TENM3: variants seen among roughly 807,000 people sequenced by gnomAD.
TENM3 encodes the protein teneurin-3.
Under a neutral mutation model 255.1 loss-of-function variants are expected in TENM3, and 63 were observed. The ratio of observed to expected loss-of-function variants is 0.25; its 90% CI spans 0.20 to 0.30. The LOEUF is 0.30. TENM3 is among the 10% of genes least tolerant of loss of function. The pLI is 1.00. For missense variants in TENM3, 2,929 were observed against 3,461.1 expected (o/e 0.85, Z 3.86); for synonymous variants, 1,306 against 1,322.3 (o/e 0.99, Z 0.27).
the TENM3 span, among the ~76,000 whole-genome samples, chr4:181,588,268 C>T: frequency 6.6e-6 from 1 of 152,158 alleles, no homozygotes; most frequent in Non-Finnish European, 1.5e-5. Flanking sequence ...GTTCACATTC[C>T]CTAGGAAGGG....
At chr4:182,098,277 G>T in the TENM3 span, among the ~76,000 whole-genome samples, 1 of 152,118 alleles carries the variant, frequency 6.6e-6, no homozygotes, top group Non-Finnish European at 1.5e-5. Context: ...CAGGATGGAG[G>T]TTCCTCAAAA....
chr4:182,753,347 G>A, intron 20 of TENM3, 103 bp from the exon 21 acceptor site: 1 of 948,080 alleles, frequency 1.1e-6, no homozygotes, highest in Non-Finnish European at 1.6e-6. Context: ...TGTCACCCGT[G>A]TTGTCACTGG....
chr4:182,659,340 A>G (rs770134553), intron 6 of TENM3, among the ~76,000 whole-genome samples: 13 of 152,086 alleles, frequency 8.5e-5, no homozygotes, highest in African/African-American at 1.5e-4. Flanking sequence ...GAGACAGACC[A>G]CATTCACTTA....
chr4:181,992,663 A>G, the TENM3 span, among the ~76,000 whole-genome samples: 1 of 152,132 alleles, frequency 6.6e-6, no homozygotes, highest in Non-Finnish European at 1.5e-5. Context: ...ATTTTTTCTC[A>G]GGTATATTTT....
At chr4:181,654,939 A>T in the TENM3 span, among the ~76,000 whole-genome samples, 1 of 152,134 alleles carries the variant, frequency 6.6e-6, no homozygotes, top group Non-Finnish European at 1.5e-5. Context: ...AAAGAGGTGA[A>T]TGTAGAAACA....
At chr4:181,466,075 T>C in the TENM3 span, among the ~76,000 whole-genome samples, 2 of 152,028 alleles carry the variant, frequency 1.3e-5, no homozygotes, top group Admixed American at 1.3e-4. Context: ...CGTGGGTGGA[T>C]AATGCCTATG....
At chr4:182,389,553 ACTAT>A (rs1402994495) in intron 3 of TENM3, among the ~76,000 whole-genome samples, 2 of 152,226 alleles carry the variant, frequency 1.3e-5, no homozygotes, top group African/African-American at 4.8e-5. Context: ...CTGAAATTTA[ACTAT>A]CTAACAGGGA....
intron 1 of TENM3, among the ~76,000 whole-genome samples, chr4:182,152,269 A>G (rs1463036833): frequency 2.6e-5 from 4 of 151,976 alleles, no homozygotes; most frequent in Non-Finnish European, 5.9e-5. Flanking sequence ...TTTTCTATCT[A>G]TAATATGTTT....
chr4:181,507,651 T>G, the TENM3 span, among the ~76,000 whole-genome samples: 38 of 152,364 alleles, frequency 2.5e-4, no homozygotes, highest in Admixed American at 1.3e-3. Flanking sequence ...TCTCACATGT[T>G]GCTTAACAGC....
At chr4:182,179,634 A>G (rs1243298491) in intron 1 of TENM3, among the ~76,000 whole-genome samples, 1 of 152,206 alleles carries the variant, frequency 6.6e-6, no homozygotes, top group Non-Finnish European at 1.5e-5. Flanking sequence ...TGAAAACCTC[A>G]AAGTAATCTC....
chr4:182,416,433 AAAAG>A (rs1194665378), intron 3 of TENM3, among the ~76,000 whole-genome samples: 3 of 152,128 alleles, frequency 2.0e-5, no homozygotes, highest in Non-Finnish European at 2.9e-5. Context: ...CTTAAAAAAA[AAAAG>A]AAACCTTTAA....
chr4:182,298,803 T>C (rs1224580858), intron 1 of TENM3, among the ~76,000 whole-genome samples: 1 of 151,248 alleles, frequency 6.6e-6, no homozygotes, highest in Non-Finnish European at 1.5e-5. Context: ...TGAAACCCCA[T>C]CTCTACCAAA....
At chr4:182,526,992 G>A (rs1739266985) in intron 3 of TENM3, among the ~76,000 whole-genome samples, 1 of 150,924 alleles carries the variant, frequency 6.6e-6, no homozygotes, top group South Asian at 2.1e-4. Context: ...TTTTTTCTGA[G>A]CTCCTAATAT....
At chr4:182,044,659 T>C in the TENM3 span, among the ~76,000 whole-genome samples, 3 of 152,156 alleles carry the variant, frequency 2.0e-5, no homozygotes, top group African/African-American at 7.2e-5. Flanking sequence ...TCATAAATAA[T>C]TGAAATCCCC....
At chr4:182,220,523 C>T (rs946774951) in intron 1 of TENM3, among the ~76,000 whole-genome samples, 6 of 150,782 alleles carry the variant, frequency 4.0e-5, no homozygotes, top group Non-Finnish European at 7.4e-5. Context: ...TCTGGCATCA[C>T]GCAGCATGCT....
intron 15 of TENM3, 106 bp from the exon 16 acceptor site, chr4:182,730,772 G>A (rs1414514871): frequency 1.6e-6 from 2 of 1,226,672 alleles, no homozygotes; most frequent in Admixed American, 5.3e-5. Flanking sequence ...TAAAAGTTGG[G>A]AGAAAAAGTT....
At chr4:181,798,380 C>T in the TENM3 span, among the ~76,000 whole-genome samples, 6 of 152,056 alleles carry the variant, frequency 3.9e-5, no homozygotes, top group Non-Finnish European at 7.4e-5. Flanking sequence ...ACAATCTCAG[C>T]TCACTGCAAC....
At chr4:182,336,145 A>G (rs1038303042) in intron 2 of TENM3, among the ~76,000 whole-genome samples, 1 of 152,186 alleles carries the variant, frequency 6.6e-6, no homozygotes, top group Non-Finnish European at 1.5e-5. Flanking sequence ...AGTCTCACAC[A>G]TGGAAGCCAT....
At chr4:182,733,496 G>A (rs1311132667) in intron 16 of TENM3, among the ~76,000 whole-genome samples, 2 of 140,422 alleles carry the variant, frequency 1.4e-5, no homozygotes, top group African/African-American at 4.9e-5. Flanking sequence ...AAATTATGGT[G>A]GCTTGGACAA....
Sources: gnomAD v4.1 joint callset for allele counts (sites outside exome capture counted in the v4.1 genomes callset) on GRCh38, gnomAD v4.1.1 for gene constraint, MANE v1.5 for transcripts, NCBI Gene and HGNC (gene_info 2026-07-23, HGNC 2026-07-21) for gene names.